Variants in PRKG1 observed in about 807,000 individuals in gnomAD.
PRKG1 encodes protein kinase cGMP-dependent 1.
PRKG1 carries 35 observed loss-of-function variants against 88.1 expected under a neutral mutation model. The ratio of observed to expected loss-of-function variants is 0.40; its 90% CI spans 0.30 to 0.53. The LOEUF is 0.53. Among genes scored for constraint, PRKG1 ranks in the 20% least tolerant of loss-of-function variants. The pLI is 0.59. For synonymous variants in PRKG1, 303 were observed against 292.5 expected (o/e 1.04, Z -0.37); for missense variants, 540 against 839.8 (o/e 0.64, Z 4.41).
intron 5 of PRKG1, among the ~76,000 whole-genome samples, chr10:51,986,059 G>A (rs1844149751): frequency 6.6e-6 from 1 of 152,116 alleles, no homozygotes; most frequent in African/African-American, 2.4e-5. Flanking sequence ...CTGACTGGGA[G>A]CTGTGGCTCA....
chr10:52,200,686 G>A (rs1426647300), intron 9 of PRKG1, among the ~76,000 whole-genome samples: 1 of 152,144 alleles, frequency 6.6e-6, no homozygotes, highest in Non-Finnish European at 1.5e-5. Flanking sequence ...CAGCGTGTAA[G>A]TGTTCCCTTT....
chr10:51,448,292 A>T (rs1839333418), intron 2 of PRKG1, among the ~76,000 whole-genome samples: 1 of 152,002 alleles, frequency 6.6e-6, no homozygotes, highest in African/African-American at 2.4e-5. Flanking sequence ...AAAAACTTTC[A>T]TCAAGTTGAC....
At chr10:52,246,949 C>T (rs2132391601) in intron 9 of PRKG1, among the ~76,000 whole-genome samples, 1 of 140,946 alleles carries the variant, frequency 7.1e-6, no homozygotes, top group South Asian at 2.4e-4. Context: ...ATCACCATAG[C>T]CCCAGATGAA....
chr10:52,292,186 C>T (rs1034271015), intron 17 of PRKG1, among the ~76,000 whole-genome samples: 9 of 150,692 alleles, frequency 6.0e-5, no homozygotes, highest in East Asian at 3.9e-4. Context: ...GAGTAGGTTG[C>T]GAAAATTTTC....
intron 7 of PRKG1, among the ~76,000 whole-genome samples, chr10:52,096,672 C>G (rs1381144497): frequency 6.6e-6 from 1 of 152,044 alleles, no homozygotes; most frequent in African/African-American, 2.4e-5. Flanking sequence ...ATCCTTGGCT[C>G]TATAGGGATG....
chr10:52,293,179 A>G (rs1236112942), intron 17 of PRKG1, among the ~76,000 whole-genome samples: 4 of 150,970 alleles, frequency 2.6e-5, no homozygotes, highest in African/African-American at 9.8e-5. Flanking sequence ...AAAGAGAATA[A>G]AATACCTAGG....
intron 3 of PRKG1, among the ~76,000 whole-genome samples, chr10:51,702,431 T>C (rs1027750019): frequency 6.6e-6 from 1 of 152,146 alleles, no homozygotes; most frequent in Non-Finnish European, 1.5e-5. Context: ...CCAGTACATA[T>C]TTTTTTATAG....
chr10:51,365,439 A>G (rs941018787), intron 2 of PRKG1, among the ~76,000 whole-genome samples: 3 of 151,994 alleles, frequency 2.0e-5, no homozygotes, highest in African/African-American at 7.2e-5. Context: ...AGAGGAAATC[A>G]ACTTAATAAT....
intron 8 of PRKG1, among the ~76,000 whole-genome samples, chr10:52,157,941 A>C (rs1838170148): frequency 6.6e-6 from 1 of 151,642 alleles, no homozygotes; most frequent in Admixed American, 6.6e-5. Flanking sequence ...CATGCTCCTT[A>C]AAGTATTATG....
intron 5 of PRKG1, among the ~76,000 whole-genome samples, chr10:51,936,671 TG>T (rs1842806222): frequency 6.6e-6 from 1 of 152,182 alleles, no homozygotes; most frequent in African/African-American, 2.4e-5. Flanking sequence ...TATAATTTTT[TG>T]TTTGTTTGTT....
chr10:52,011,882 T>C (rs1461280864), intron 5 of PRKG1, among the ~76,000 whole-genome samples: 1 of 152,172 alleles, frequency 6.6e-6, no homozygotes, highest in Non-Finnish European at 1.5e-5. Context: ...TGATATCTGA[T>C]GGTTGTAAAA....
chr10:51,365,388 A>G (rs1169844344), intron 2 of PRKG1, among the ~76,000 whole-genome samples: 2 of 151,944 alleles, frequency 1.3e-5, no homozygotes, highest in Non-Finnish European at 2.9e-5. Context: ...ACAAGGAATC[A>G]AATTATAATC....
chr10:51,811,526 T>C (rs1334661314), intron 4 of PRKG1, among the ~76,000 whole-genome samples: 1 of 152,176 alleles, frequency 6.6e-6, no homozygotes, highest in Non-Finnish European at 1.5e-5. Flanking sequence ...TGTGAAAGTT[T>C]CTTCATTCTA....
intron 2 of PRKG1, among the ~76,000 whole-genome samples, chr10:51,464,705 A>C (rs293298): frequency 2.0e-5 from 3 of 151,224 alleles, no homozygotes; most frequent in African/African-American, 2.4e-5. Context: ...TCCCGGCTAA[A>C]ACGGTGAAAC....
chr10:51,996,214 C>T (rs540475635), intron 5 of PRKG1, among the ~76,000 whole-genome samples: 1 of 141,896 alleles, frequency 7.0e-6, no homozygotes, highest in East Asian at 2.4e-4. Flanking sequence ...ACTCAGGAGG[C>T]TTTGACAGGA....
At chr10:51,173,157 A>G (rs1173404004) in intron 2 of PRKG1, among the ~76,000 whole-genome samples, 1 of 152,014 alleles carries the variant, frequency 6.6e-6, no homozygotes, top group Non-Finnish European at 1.5e-5. Context: ...TAATTATAAT[A>G]AACAATACAG....
intron 3 of PRKG1, among the ~76,000 whole-genome samples, chr10:51,691,685 T>C (rs1841148781): frequency 6.6e-6 from 1 of 152,196 alleles, no homozygotes; most frequent in African/African-American, 2.4e-5. Context: ...ATAATTATGT[T>C]TTTATACTGA....
intron 5 of PRKG1, among the ~76,000 whole-genome samples, chr10:51,992,365 G>A (rs1844334056): frequency 6.6e-6 from 1 of 151,932 alleles, no homozygotes; most frequent in African/African-American, 2.4e-5. Flanking sequence ...TTCTTTAACA[G>A]TTTTCATTTC....
Position 51,462,717 on chromosome 10 carries a change from C to T in PRKG1, c.479-5006C>T, listed in dbSNP as rs546919332. Among the ~76,000 whole-genome samples, 356 of 152,134 alleles carry T rather than the reference C, an allele frequency of 2.3e-3. 3 individuals are homozygous for T. The highest frequency in any genetic ancestry group is 0.01 in the Middle Eastern group (3 of 294). On this transcript the variant is annotated intron_variant, in intron 2 of 17. Transcript: ENST00000373980. The stretch of plus-strand genomic sequence containing the variant: ...CAATTATTCATGACAATGCCAGGAG[C>T]GATAAAAGAGCTAAATAAAACTATA...
Sources: gnomAD v4.1 joint callset for allele counts (sites outside exome capture counted in the v4.1 genomes callset) on GRCh38, gnomAD v4.1.1 for gene constraint, MANE v1.5 for transcripts, NCBI Gene and HGNC (gene_info 2026-07-23, HGNC 2026-07-21) for gene names.